Variants in TLE3 observed in about 807,000 individuals in gnomAD.
The protein encoded by TLE3 is transducin-like enhancer protein 3.
Under a neutral mutation model 93.0 loss-of-function variants are expected in TLE3, and 14 were observed. The observed-to-expected ratio is 0.15, with a 90% CI of 0.10 to 0.24. TLE3 has a LOEUF of 0.24. TLE3 is among the 10% of genes least tolerant of loss of function. The probability of loss-of-function intolerance (pLI) is 1.00; values close to 1 mark genes in which losing one functional copy is unlikely to be tolerated. For synonymous variants in TLE3, 451 were observed against 425.0 expected, an observed-to-expected ratio of 1.06 and a Z score of -0.75; for missense variants, 693 against 1,046.6, an observed-to-expected ratio of 0.66 and a Z score of 4.66.
chr15:70,063,263 G>A (rs958826292), intron 8 of TLE3, among the ~76,000 whole-genome samples: 3 of 152,178 alleles, frequency 2.0e-5, no homozygotes, highest in African/African-American at 7.2e-5. Context: ...GTCCAATCCA[G>A]GCCTCCGCCT....
chr15:70,052,656 T>C, intron 17 of TLE3, 132 bp from the exon 18 acceptor site: 1 of 945,394 alleles, frequency 1.1e-6, no homozygotes, highest in Non-Finnish European at 1.5e-6. Context: ...AACCCAGGAG[T>C]ATGGGAGGTC....
intron 5 of TLE3, among the ~76,000 whole-genome samples, chr15:70,075,671 A>G (rs2057405549): frequency 6.6e-6 from 1 of 152,144 alleles, no homozygotes; most frequent in Non-Finnish European, 1.5e-5. Flanking sequence ...CGCTGTCCCA[A>G]ATGGAGGTCC....
intron 6 of TLE3, among the ~76,000 whole-genome samples, chr15:70,072,598 G>C (rs2141759503): frequency 6.6e-6 from 1 of 152,318 alleles, no homozygotes; most frequent in Admixed American, 6.5e-5. Context: ...AGAGCCCTGG[G>C]CTGCGAGTCA....
At chr15:70,089,545 G>A (rs1338798722) in intron 4 of TLE3, among the ~76,000 whole-genome samples, 1 of 152,186 alleles carries the variant, frequency 6.6e-6, no homozygotes, top group Non-Finnish European at 1.5e-5. Flanking sequence ...CAGGGAATCG[G>A]AACTCTACTC....
At chr15:70,075,323 A>T (rs532408488) in intron 5 of TLE3, among the ~76,000 whole-genome samples, 1 of 152,376 alleles carries the variant, frequency 6.6e-6, no homozygotes, top group East Asian at 1.9e-4. Flanking sequence ...TTAAAAAAAT[A>T]AAGTCTATTT....
intron 1 of TLE3, 83 bp from the exon 2 acceptor site, chr15:70,096,344 G>A (rs2058561425): frequency 6.6e-7 from 1 of 1,519,348 alleles, no homozygotes; most frequent in African/African-American, 1.4e-5. Context: ...CCCCAACGGC[G>A]CCCAACCAAA....
In TLE3 at chr15:70,096,994, A is replaced by G. The variant is rs1183953188; in HGVS notation, c.-196T>C. The G allele has an allele frequency of 1.9e-6, 1 of 528,582 alleles. No individual in the cohort carries two copies. The highest frequency in any genetic ancestry group is 3.3e-6 in the Non-Finnish European group (1 of 306,028). The allele number at this position is 528,582 out of a possible 1,614,324, so 32.7% of individuals were successfully genotyped here. The stretch of plus-strand genomic sequence containing the variant: ...CCCAAGTGGAGACAAAGAGCCGCGG[A>G]GCAGGCGGCAAAGTCGTCGGCGGGC... On this transcript the variant is annotated 5_prime_UTR_variant, in exon 1 of 20. Transcript: ENST00000451782.
rs1219054339 is a variant in TLE3 at position 70,058,438 on chromosome 15, C to T, written c.919-147G>A. The T allele has an allele frequency of 5.0e-6, 7 of 1,399,614 alleles. No individual in the cohort carries two copies. The highest frequency in any genetic ancestry group is 1.4e-5 in the African/African-American group (1 of 69,262). 86.7% of individuals were successfully genotyped at this position (1,399,614 alleles called of 1,614,324 possible). On this transcript the variant is annotated intron_variant, in intron 11 of 19. Coordinates refer to ENST00000451782, the MANE Select transcript of TLE3 (RefSeq NM_001105192.3). The surrounding 1 kb of genome is among the most constrained non-coding windows in gnomAD (Gnocchi z 4.1). ...AACAGCCTCTCAATCCTTGCCCAACCTTGTTTGGCAGGGACTGGGGTGATC... is the reference window on the plus strand; with the variant it reads ...AACAGCCTCTCAATCCTTGCCCAACTTTGTTTGGCAGGGACTGGGGTGATC...
In TLE3 at chr15:70,051,551, A is replaced by T. The variant is rs146198629; in HGVS notation, c.2126-84T>A. 4 of 1,271,968 alleles carry T rather than the reference A, an allele frequency of 3.1e-6. No homozygotes were observed. In the East Asian group the frequency reaches 1.1e-4, roughly 34 times the overall value. The allele number at this position is 1,271,968 out of a possible 1,614,324, so 78.8% of individuals were successfully genotyped here. A position where few individuals can be genotyped will look rare whatever the true frequency, so the allele number is the denominator to read the frequency against. ...CCTGCCCTAGACATGGCCAGCTGCC[A>T]TAGAAAAGCAGTGAGAACTGCTAAC... On this transcript the variant is annotated intron_variant, in intron 18 of 19. Coordinates refer to ENST00000451782, the MANE Select transcript of TLE3 (RefSeq NM_001105192.3).
chr15:70,055,493 C>G, intron 14 of TLE3, 195 bp from the exon 15 acceptor site: 1 of 631,852 alleles, frequency 1.6e-6, no homozygotes, highest in East Asian at 3.3e-5. Flanking sequence ...AACAGACCAG[C>G]TTTGATTTTT....
intron 7 of TLE3, among the ~76,000 whole-genome samples, chr15:70,065,766 C>T (rs2056775509): frequency 6.6e-6 from 1 of 152,182 alleles, no homozygotes; most frequent in South Asian, 2.1e-4. Flanking sequence ...AAGATGGGAG[C>T]GAGCTCCAGA....
At chr15:70,065,507 A>G (rs1015031076) in intron 7 of TLE3, among the ~76,000 whole-genome samples, 2 of 152,238 alleles carry the variant, frequency 1.3e-5, no homozygotes, top group Non-Finnish European at 2.9e-5. Context: ...AGGTTTCTGC[A>G]TTGGTGAGAC....
rs1397650962 is a variant in TLE3, at chr15:70,057,664, A to C, written c.1052-6T>G. The stretch of plus-strand genomic sequence containing the variant: ...GGGCGTGCGCAGAGCCGAGGCTGCG[A>C]GGGGTGGGCGTCAGGGAGGTGGGCC... On this transcript the variant is annotated splice_polypyrimidine_tract_variant and splice_region_variant and intron_variant, in intron 12 of 19. Transcript: ENST00000451782. 1 of 1,562,754 alleles carries C rather than the reference A, an allele frequency of 6.4e-7. No individual in the cohort carries two copies. Among genetic ancestry groups the C allele is most frequent in the Admixed American group, 1.9e-5 (1 of 53,448 alleles).
At chr15:70,086,770 G>T (rs2058055052) in intron 4 of TLE3, among the ~76,000 whole-genome samples, 1 of 152,162 alleles carries the variant, frequency 6.6e-6, no homozygotes, top group Non-Finnish European at 1.5e-5. Context: ...GCCAAGGCAT[G>T]GCAAGCCGAG....
intron 9 of TLE3, 38 bp from the exon 10 acceptor site, chr15:70,059,498 C>A: frequency 6.3e-7 from 1 of 1,582,818 alleles, no homozygotes; most frequent in Non-Finnish European, 8.6e-7. Flanking sequence ...CAGTAAGAGG[C>A]CACACTTTCC....
intron 4 of TLE3, among the ~76,000 whole-genome samples, chr15:70,079,848 C>T (rs1437273116): frequency 6.6e-6 from 1 of 152,012 alleles, no homozygotes; most frequent in Non-Finnish European, 1.5e-5. Context: ...CTCCACTTTT[C>T]AGATGGGGAA....
intron 18 of TLE3, 42 bp downstream of exon 18, chr15:70,052,332 C>T (rs753611514): frequency 5.4e-5 from 87 of 1,599,108 alleles, no homozygotes; most frequent in Non-Finnish European, 7.3e-5. Context: ...GCCCTGGGTT[C>T]CCCACCCCAC....
intron 4 of TLE3, among the ~76,000 whole-genome samples, chr15:70,088,917 G>A (rs1231948777): frequency 7.0e-6 from 1 of 143,826 alleles, no homozygotes; most frequent in East Asian, 2.3e-4. Flanking sequence ...GATGGACTCA[G>A]GCCAGCCCTG....
At position 70,097,771 on chromosome 15, in the gene TLE3, ACACACCCAACACACACACACGCG is replaced by A; in HGVS notation, c.-996_-974del. 2.6e-6 allele frequency: 1 copy of A among 389,232 alleles called. No homozygotes were observed. Among genetic ancestry groups the A allele is most frequent in the Middle Eastern group, 6.4e-4 (1 of 1,556 alleles). 24.1% of individuals were successfully genotyped at this position (389,232 alleles called of 1,614,324 possible). A position where few individuals can be genotyped will look rare whatever the true frequency, so the allele number is the denominator to read the frequency against. ...GCGCCCCGGCAAACCCCCAAAACAC[ACACACCCAACACACACACACGCG>A]CGCACGCACACACACACACACCAAA... On this transcript the variant is annotated 5_prime_UTR_variant, in exon 1 of 20. Transcript: ENST00000451782.
Sources: gnomAD v4.1 joint callset for allele counts (sites outside exome capture counted in the v4.1 genomes callset) on GRCh38, gnomAD v4.1.1 for gene constraint, Gnocchi (gnomAD v3.1) non-coding constraint, MANE v1.5 for transcripts, NCBI Gene and HGNC (gene_info 2026-07-23, HGNC 2026-07-21) for gene names.